The following TTLL5 variants were observed in gnomAD, a reference collection of about 807,000 sequenced individuals.
TTLL5 encodes the protein tubulin polyglutamylase TTLL5.
Under a neutral mutation model 168.4 loss-of-function variants are expected in TTLL5, and 132 were observed. The observed-to-expected ratio is 0.78, with a 90% confidence interval of 0.68 to 0.91. TTLL5 has a LOEUF of 0.91. TTLL5 is among the 40% of genes least tolerant of loss of function. TTLL5 has a pLI of 0.00. For missense variants in TTLL5, 1,545 were observed against 1,581.5 expected (o/e 0.98, Z 0.39); for synonymous variants, 546 against 558.6 (o/e 0.98, Z 0.32).
chr14:75,762,455 A>C (rs1341419840), intron 18 of TTLL5, among the ~76,000 whole-genome samples: 1 of 152,220 alleles, frequency 6.6e-6, no homozygotes, highest in Non-Finnish European at 1.5e-5. Context: ...GCTAAAAGAT[A>C]TCCAACTTAT....
intron 20 of TTLL5, among the ~76,000 whole-genome samples, chr14:75,767,638 G>A (rs1298370854): frequency 1.3e-5 from 2 of 152,136 alleles, no homozygotes; most frequent in African/African-American, 4.8e-5. Context: ...TAAAAAATTG[G>A]ATGTTGTTAG....
intron 21 of TTLL5, among the ~76,000 whole-genome samples, chr14:75,773,996 A>AGC (rs1370611454): frequency 7.1e-5 from 10 of 141,126 alleles, no homozygotes; most frequent in South Asian, 7.0e-4. Flanking sequence ...AGAGAGAGAG[A>AGC]GAGCGAGAGT....
intron 29 of TTLL5, among the ~76,000 whole-genome samples, chr14:75,871,596 A>C (rs1595181755): frequency 6.6e-6 from 1 of 150,686 alleles, no homozygotes; most frequent in Non-Finnish European, 1.5e-5. Context: ...AGTGTAACCA[A>C]TTAAGATTCA....
At position 75,681,059 on chromosome 14, in the gene TTLL5, G is replaced by T. The variant is rs944187345; in HGVS notation, c.182-486G>T. ...TACGTAATTACAAAGGAAATACATT[G>T]TATTGAAATATAGTAATCAGAATAT... On this transcript the variant is annotated intron_variant, in intron 3 of 31. Coordinates refer to ENST00000298832, the MANE Select transcript of TTLL5 (RefSeq NM_015072.5). 3.2e-4 allele frequency among the ~76,000 whole-genome samples: 49 copies of T among 152,116 alleles called. 1 individual carries two copies. The highest frequency in any genetic ancestry group is 2.4e-5 in the African/African-American group (1 of 41,420).
At chr14:75,682,857 C>T (rs1023374757) in intron 4 of TTLL5, among the ~76,000 whole-genome samples, 6 of 151,724 alleles carry the variant, frequency 4.0e-5, no homozygotes, top group African/African-American at 1.5e-4. Flanking sequence ...GGCTTGAACT[C>T]CTGGGCTCAA....
intron 30 of TTLL5, among the ~76,000 whole-genome samples, chr14:75,897,835 C>T (rs1206981662): frequency 6.6e-6 from 1 of 152,172 alleles, no homozygotes; most frequent in African/African-American, 2.4e-5. Context: ...AAGACCATTA[C>T]CAGAGCTGAG....
chr14:75,707,180 A>G, intron 8 of TTLL5, 93 bp downstream of exon 8: 1 of 984,392 alleles, frequency 1.0e-6, no homozygotes, highest in Non-Finnish European at 1.6e-6. Context: ...TCTTTATTAT[A>G]CTGTTGTGAA....
intron 31 of TTLL5, among the ~76,000 whole-genome samples, chr14:75,917,167 T>C (rs1315294826): frequency 1.3e-5 from 2 of 152,218 alleles, no homozygotes; most frequent in Non-Finnish European, 2.9e-5. Flanking sequence ...CTTGAAATTG[T>C]TAGGATGGTA....
intron 30 of TTLL5, among the ~76,000 whole-genome samples, chr14:75,900,916 G>A (rs370764108): frequency 1.3e-5 from 2 of 152,076 alleles, no homozygotes; most frequent in East Asian, 1.9e-4. Flanking sequence ...GTGCTTTAAC[G>A]TATCTCCTCA....
intron 3 of TTLL5, among the ~76,000 whole-genome samples, chr14:75,675,593 T>G (rs1884080688): frequency 6.6e-6 from 1 of 152,226 alleles, no homozygotes; most frequent in African/African-American, 2.4e-5. Context: ...GGCAGTTTGC[T>G]AGTAGTCAAG....
chr14:75,827,748 T>TCTCA (rs1456038505), intron 28 of TTLL5, among the ~76,000 whole-genome samples: 1 of 122,934 alleles, frequency 8.1e-6, no homozygotes, highest in African/African-American at 3.1e-5. Flanking sequence ...TGAAACAAGG[T>TCTCA]CTCACTCTGT....
intron 27 of TTLL5, chr14:75,814,363 T>C (rs1595085989): frequency 6.6e-6 from 1 of 152,240 alleles, no homozygotes; most frequent in Admixed American, 6.5e-5. Flanking sequence ...TATCACTTTC[T>C]CTTCATTTGA....
At chr14:75,845,741 C>A (rs1446005031) in intron 28 of TTLL5, among the ~76,000 whole-genome samples, 1 of 152,202 alleles carries the variant, frequency 6.6e-6, no homozygotes, top group Non-Finnish European at 1.5e-5. Flanking sequence ...CCTGAGGTAA[C>A]TGATGGCCCA....
At chr14:75,847,378 A>T (rs1459489990) in intron 28 of TTLL5, among the ~76,000 whole-genome samples, 2 of 151,998 alleles carry the variant, frequency 1.3e-5, no homozygotes, top group African/African-American at 4.8e-5. Flanking sequence ...TTTGCCATAG[A>T]GGAATATGGA....
chr14:75,824,687 A>C (rs1895019342), intron 28 of TTLL5, among the ~76,000 whole-genome samples: 1 of 152,050 alleles, frequency 6.6e-6, no homozygotes, highest in African/African-American at 2.4e-5. Context: ...CCTGAACTAT[A>C]CATGTAAAAA....
chr14:75,736,802 G>C (rs1414788080), intron 15 of TTLL5, among the ~76,000 whole-genome samples: 1 of 152,152 alleles, frequency 6.6e-6, no homozygotes, highest in African/African-American at 2.4e-5. Context: ...GTATTTTAAA[G>C]GCTATTATCT....
intron 31 of TTLL5, among the ~76,000 whole-genome samples, chr14:75,947,903 G>A (rs2034826242): frequency 6.7e-6 from 1 of 149,410 alleles, no homozygotes; most frequent in Admixed American, 6.7e-5. Flanking sequence ...TCATGCCACT[G>A]CACTCCAGCC....
intron 29 of TTLL5, among the ~76,000 whole-genome samples, chr14:75,877,685 C>G (rs1286616451): frequency 2.6e-5 from 4 of 152,186 alleles, no homozygotes; most frequent in Admixed American, 2.0e-4. Flanking sequence ...TATTGTATAT[C>G]GAAACCTCAT....
Position 75,751,658 on chromosome 14 carries a change from G to C in TTLL5, c.1488-1235G>C, listed in dbSNP as rs527495191. Among the ~76,000 whole-genome samples, 20 of 152,262 alleles carry C rather than the reference G, an allele frequency of 1.3e-4. No homozygotes were observed. In the South Asian group the frequency reaches 4.1e-3, roughly 32 times the overall value. On this transcript the variant is annotated intron_variant, in intron 17 of 31. Transcript: ENST00000298832. ...TCACTGTGGGTAACTGAAACATGAG[G>C]GAGGACCACTGTATAGATGTAGAGG...
Sources: gnomAD v4.1 joint callset for allele counts (sites outside exome capture counted in the v4.1 genomes callset) on GRCh38, gnomAD v4.1.1 for gene constraint, MANE v1.5 for transcripts, NCBI Gene and HGNC (gene_info 2026-07-23, HGNC 2026-07-21) for gene names.